CACNA1C: variants seen among roughly 807,000 people sequenced by gnomAD.
The protein encoded by CACNA1C is calcium voltage-gated channel subunit alpha1 C.
CACNA1C carries 30 observed loss-of-function variants against 229.0 expected under a neutral mutation model. The ratio of observed to expected loss-of-function variants is 0.13; its 90% CI spans 0.10 to 0.18. The LOEUF is 0.18. Among genes scored for constraint, CACNA1C ranks in the 10% least tolerant of loss-of-function variants. The pLI, the probability that CACNA1C is intolerant of heterozygous loss-of-function variation, is 1.00. For synonymous variants in CACNA1C, 1,114 were observed against 1,132.5 expected (o/e 0.98, Z 0.33); for missense variants, 1,658 against 2,845.0 (o/e 0.58, Z 9.49).
intron 3 of CACNA1C, among the ~76,000 whole-genome samples, chr12:2,264,192 G>T (rs1319251000): frequency 6.6e-6 from 1 of 152,216 alleles, no homozygotes; most frequent in East Asian, 1.9e-4. Context: ...AACTGGAATG[G>T]ACTCTCCTGT....
intron 3 of CACNA1C, among the ~76,000 whole-genome samples, chr12:2,428,440 C>T (rs1176101339): frequency 1.3e-5 from 2 of 152,222 alleles, no homozygotes; most frequent in African/African-American, 4.8e-5. Flanking sequence ...ATGTCACTCA[C>T]CTGGTATTTA....
chr12:2,268,733 C>T (rs763788460), intron 3 of CACNA1C, among the ~76,000 whole-genome samples: 2 of 152,140 alleles, frequency 1.3e-5, no homozygotes, highest in African/African-American at 4.8e-5. Context: ...GGTTGCTAGG[C>T]GCTGGGGGAG....
At chr12:2,507,632 T>C (rs2099774639) in intron 8 of CACNA1C, among the ~76,000 whole-genome samples, 1 of 152,212 alleles carries the variant, frequency 6.6e-6, no homozygotes, top group African/African-American at 2.4e-5. Context: ...TCACTAGCAT[T>C]CTCTGTGTCA....
intron 3 of CACNA1C, among the ~76,000 whole-genome samples, chr12:2,358,828 G>C (rs1225651516): frequency 1.3e-5 from 2 of 152,036 alleles, no homozygotes; most frequent in African/African-American, 2.4e-5. Flanking sequence ...CCTCACTGGA[G>C]GTGCAGTCAG....
intron 3 of CACNA1C, among the ~76,000 whole-genome samples, chr12:2,358,318 A>T (rs2097450282): frequency 6.8e-6 from 1 of 147,482 alleles, no homozygotes; most frequent in African/African-American, 2.5e-5. Flanking sequence ...TCTCTTTGTC[A>T]TCTTCAGCAT....
intron 3 of CACNA1C, among the ~76,000 whole-genome samples, chr12:2,163,954 G>A (rs2096067007): frequency 6.6e-6 from 1 of 152,240 alleles, no homozygotes; most frequent in South Asian, 2.1e-4. Context: ...CAAAAGTGAC[G>A]TCTCTTTCTT....
At position 2,632,178 on chromosome 12, in the gene CACNA1C, G is replaced by A. The variant is rs781600287; in HGVS notation, c.3829-2119G>A. 2.0e-5 allele frequency among the ~76,000 whole-genome samples: 3 copies of A among 152,022 alleles called. No homozygotes were observed. The highest frequency in any genetic ancestry group is 6.5e-5 in the Admixed American group (1 of 15,276). The stretch of plus-strand genomic sequence containing the variant: ...TGGCCAGCCCTGTCTTGTCCCCTTC[G>A]CAGACCATTTCTAAACTAAAGGCGT... On this transcript the variant is annotated intron_variant, in intron 29 of 46. Coordinates refer to ENST00000399655, the MANE Select transcript of CACNA1C (RefSeq NM_000719.7). This position sits in a 1 kb window ranked among gnomAD's most constrained non-coding sequence, Gnocchi z 4.1.
chr12:2,386,820 G>A (rs569612065), intron 3 of CACNA1C, among the ~76,000 whole-genome samples: 10 of 152,298 alleles, frequency 6.6e-5, no homozygotes, highest in South Asian at 4.1e-4. Flanking sequence ...TGCTCAGTCC[G>A]TGTTTACTGG....
In CACNA1C at chr12:2,677,077, C is replaced by G. The variant is rs1569203183; in HGVS notation, c.4829-17C>G. The G allele has an allele frequency of 6.2e-7, 1 of 1,610,720 alleles. No homozygotes were observed. Among genetic ancestry groups the G allele is most frequent in the Non-Finnish European group, 8.5e-7 (1 of 1,178,144 alleles). ...CTGCTCCCCTCTTACCCCCTCTCCC[C>G]TCTCCATACGTCTCAGATGATGAGG... On this transcript the variant is annotated splice_polypyrimidine_tract_variant and intron_variant, in intron 39 of 46. Transcript: ENST00000399655. The surrounding 1 kb of genome is among the most constrained non-coding windows in gnomAD (Gnocchi z 7.4).
intron 5 of CACNA1C, among the ~76,000 whole-genome samples, chr12:2,463,038 G>A (rs758295033): frequency 3.0e-4 from 45 of 150,146 alleles, no homozygotes; most frequent in African/African-American, 9.1e-4. Flanking sequence ...TCAGCCTCCC[G>A]AGTAGCTGGG....
intron 3 of CACNA1C, among the ~76,000 whole-genome samples, chr12:2,400,243 G>A (rs1425298080): frequency 1.3e-5 from 2 of 152,210 alleles, no homozygotes; most frequent in African/African-American, 4.8e-5. Flanking sequence ...AGCCTGTGGA[G>A]CTCTAGAAAC....
intron 3 of CACNA1C, among the ~76,000 whole-genome samples, chr12:2,371,494 A>G (rs181647854): frequency 3.9e-5 from 6 of 152,246 alleles, no homozygotes; most frequent in South Asian, 2.1e-4. Context: ...CCCCACCTCC[A>G]TAGTTTCTGA....
intron 1 of CACNA1C, among the ~76,000 whole-genome samples, chr12:2,099,800 G>A (rs1316391926): frequency 2.6e-5 from 4 of 152,118 alleles, no homozygotes; most frequent in African/African-American, 7.2e-5. Context: ...GCCTGAGGCC[G>A]CTTCCCCATT....
Position 2,688,442 on chromosome 12 carries a change from C to T in CACNA1C, c.5785-5C>T, listed in dbSNP as rs750451768. On this transcript the variant is annotated splice_region_variant and splice_polypyrimidine_tract_variant and intron_variant, in intron 45 of 46. Coordinates refer to ENST00000399655, the MANE Select transcript of CACNA1C (RefSeq NM_000719.7). The stretch of plus-strand genomic sequence containing the variant: ...TATTAACTCACACTCCTTGTGTGTC[C>T]GCAGGCATTGGCAGTGGCAGGCCTG... 39 of 1,613,556 alleles carry T rather than the reference C, an allele frequency of 2.4e-5. No individual in the cohort carries two copies. The highest frequency in any genetic ancestry group is 1.7e-4 in the Admixed American group (10 of 60,002).
In CACNA1C at chr12:2,410,753, C is replaced by T. The variant is rs2098798299; in HGVS notation, c.478-38223C>T. ...GTGTGTGTGCATGCGTGTGTGTATT[C>T]CAGGAGCTGACTCTAGTTGTCAGGA... On this transcript the variant is annotated intron_variant, in intron 3 of 46. Coordinates refer to ENST00000399655, the MANE Select transcript of CACNA1C (RefSeq NM_000719.7). This position sits in a 1 kb window ranked among gnomAD's most constrained non-coding sequence, Gnocchi z 5.3. Among the ~76,000 whole-genome samples the T allele has an allele frequency of 6.8e-6, 1 of 147,124 alleles. No homozygotes were observed. The highest frequency in any genetic ancestry group is 2.5e-5 in the African/African-American group (1 of 39,280).
Position 2,053,338 on chromosome 12 carries a change from C to G in CACNA1C, c.-225C>G, listed in dbSNP as rs1324118420. The G allele has an allele frequency of 6.1e-6, 8 of 1,303,992 alleles. No individual in the cohort carries two copies. Among genetic ancestry groups the G allele is most frequent in the Non-Finnish European group, 6.8e-6 (7 of 1,024,512 alleles). The allele number at this position is 1,303,992 out of a possible 1,614,324, so 80.8% of individuals were successfully genotyped here. ...GTACTGAGGATGCGTTACAGTTTCACTCGAGGAGGCAGTAGTGGAAAGGAG... is the reference window on the plus strand; with the variant it reads ...GTACTGAGGATGCGTTACAGTTTCAGTCGAGGAGGCAGTAGTGGAAAGGAG... On this transcript the variant is annotated 5_prime_UTR_variant, in exon 1 of 47. Transcript: ENST00000399655. This position sits in a 1 kb window ranked among gnomAD's most constrained non-coding sequence, Gnocchi z 5.8.
At chr12:2,249,307 T>A (rs1268467348) in intron 3 of CACNA1C, among the ~76,000 whole-genome samples, 1 of 152,212 alleles carries the variant, frequency 6.6e-6, no homozygotes, top group Non-Finnish European at 1.5e-5. Context: ...CGGCCTGCCA[T>A]CTGCTTTTGT....
At chr12:2,396,618 T>C (rs2098586209) in intron 3 of CACNA1C, among the ~76,000 whole-genome samples, 1 of 152,152 alleles carries the variant, frequency 6.6e-6, no homozygotes, top group African/African-American at 2.4e-5. Flanking sequence ...ACAGGGTGAG[T>C]TGTTGTCACC....
At chr12:2,187,277 C>A (rs2097063161) in intron 3 of CACNA1C, among the ~76,000 whole-genome samples, 1 of 152,178 alleles carries the variant, frequency 6.6e-6, no homozygotes. Context: ...GGAGCTAGGA[C>A]CCAGTCGAGG....
Sources: allele counts gnomAD v4.1 joint callset (sites outside exome capture counted in the v4.1 genomes callset), GRCh38; gene constraint gnomAD v4.1.1; non-coding constraint Gnocchi (gnomAD v3.1); transcripts MANE v1.5; gene names NCBI Gene and HGNC (gene_info 2026-07-23, HGNC 2026-07-21).